Variants in PI4K2A observed in about 807,000 individuals in gnomAD.
PI4K2A encodes the protein phosphatidylinositol 4-kinase type 2 alpha, also known as phosphatidylinositol 4-kinase type 2-alpha.
Under a neutral mutation model 55.0 loss-of-function variants are expected in PI4K2A, and 20 were observed. That is an observed-to-expected ratio of 0.36 (90% CI 0.26 to 0.53). The LOEUF (loss-of-function observed/expected upper bound fraction) is 0.53, where lower values mean the gene tolerates loss of function less well. PI4K2A is among the 20% of genes least tolerant of loss of function. The probability of loss-of-function intolerance (pLI) is 0.91; values close to 1 mark genes in which losing one functional copy is unlikely to be tolerated. For missense variants in PI4K2A, 463 were observed against 637.1 expected (o/e 0.73, Z 2.94); for synonymous variants, 235 against 258.5 (o/e 0.91, Z 0.87).
chr10:97,645,119 A>G (rs1483542832), intron 1 of PI4K2A, among the ~76,000 whole-genome samples: 2 of 152,142 alleles, frequency 1.3e-5, no homozygotes, highest in Admixed American at 1.3e-4. Flanking sequence ...GTGGAGTAAT[A>G]CTAGATTTTC....
rs751810800 is a variant in PI4K2A, at chr10:97,656,262, G to A, written c.637-23G>A. On this transcript the variant is annotated intron_variant, in intron 2 of 8. Transcript: ENST00000370631. This position sits in a 1 kb window ranked among gnomAD's most constrained non-coding sequence, Gnocchi z 4.5. ...TTCCTTAAACTTGACTCTAACCTTA[G>A]TATCTCTTCTCTTTCACTGTAGGTA... 17 of 1,605,164 alleles carry A rather than the reference G, an allele frequency of 1.1e-5. No individual in the cohort carries two copies. The highest frequency in any genetic ancestry group is 2.2e-5 in the East Asian group (1 of 44,760).
chr10:97,674,018 G>A, exon 9 of PI4K2A: 1 of 419,066 alleles, frequency 2.4e-6, no homozygotes, highest in East Asian at 3.9e-5. Flanking sequence ...TCTGCTGGTA[G>A]CAGGCTGGGA....
intron 8 of PI4K2A, among the ~76,000 whole-genome samples, chr10:97,668,764 T>C (rs2041621593): frequency 6.6e-6 from 1 of 152,168 alleles, no homozygotes; most frequent in Non-Finnish European, 1.5e-5. Flanking sequence ...TTCTCAGCCT[T>C]AATTCTGCAT....
chr10:97,655,747 GTAT>G (rs893782297), intron 2 of PI4K2A, among the ~76,000 whole-genome samples: 3 of 151,938 alleles, frequency 2.0e-5, no homozygotes, highest in African/African-American at 7.3e-5. Context: ...GCTAATTTTT[GTAT>G]TTTTAGTAGA....
intron 8 of PI4K2A, 77 bp downstream of exon 8, chr10:97,667,197 G>T: frequency 8.9e-7 from 1 of 1,126,736 alleles, no homozygotes. Context: ...AATGTTTGAA[G>T]TTTGTGTTTT....
intron 1 of PI4K2A, among the ~76,000 whole-genome samples, chr10:97,646,475 C>T (rs2041505439): frequency 6.6e-6 from 1 of 152,050 alleles, no homozygotes; most frequent in African/African-American, 2.4e-5. Context: ...CTTTGGCCTC[C>T]CAAAGTACTG....
At chr10:97,652,601 T>G (rs2041534788) in intron 2 of PI4K2A, among the ~76,000 whole-genome samples, 1 of 152,066 alleles carries the variant, frequency 6.6e-6, no homozygotes, top group Non-Finnish European at 1.5e-5. Context: ...ACACCCAGCC[T>G]TAAAGATGTC....
chr10:97,653,361 A>G (rs1463991965), intron 2 of PI4K2A, among the ~76,000 whole-genome samples: 2 of 152,194 alleles, frequency 1.3e-5, no homozygotes, highest in African/African-American at 4.8e-5. Context: ...TACTGTAAAA[A>G]TAGGGATATA....
rs1564772434 is a variant in PI4K2A at position 97,642,928 on chromosome 10, T to TTCCTTCCTTC, written c.435+1751_435+1752insTCCTTCCTTC. 4.2e-4 allele frequency among the ~76,000 whole-genome samples: 50 copies of TTCCTTCCTTC among 118,032 alleles called. 1 individual carries two copies. Among genetic ancestry groups the TTCCTTCCTTC allele is most frequent in the African/African-American group, 1.6e-3 (38 of 23,614 alleles). 77.4% of individuals were successfully genotyped at this position (118,032 alleles called of 152,430 possible). On this transcript the variant is annotated intron_variant, in intron 1 of 8. Transcript: ENST00000370631. ...TCCTTCCTTCCTTCCTTCCTTCCTT[T>TTCCTTCCTTC]CTTTCCTTTCTTTCTTTCTCTTTCT...
At position 97,656,478 on chromosome 10, in the gene PI4K2A, G is replaced by A. The variant is rs932483484; in HGVS notation, c.768+62G>A. ...TTATAGTGACATAGTCATCCAAGTG[G>A]TGAAGCAAGGTGCCTACAACTCAAA... On this transcript the variant is annotated intron_variant, in intron 3 of 8. Coordinates refer to ENST00000370631, the Ensembl canonical transcript of PI4K2A. The surrounding 1 kb of genome is among the most constrained non-coding windows in gnomAD (Gnocchi z 4.5). 1 of 1,504,274 alleles carries A rather than the reference G, an allele frequency of 6.6e-7. No individual in the cohort carries two copies. Among genetic ancestry groups the A allele is most frequent in the Non-Finnish European group, 9.2e-7 (1 of 1,087,572 alleles). The allele number at this position is 1,504,274 out of a possible 1,614,324, so 93.2% of individuals were successfully genotyped here.
intron 5 of PI4K2A, among the ~76,000 whole-genome samples, chr10:97,664,095 CT>C (rs2041599206): frequency 6.6e-6 from 1 of 152,182 alleles, no homozygotes; most frequent in Non-Finnish European, 1.5e-5. Context: ...GTGCCTGAAT[CT>C]TCTGAAGAGT....
intron 1 of PI4K2A, among the ~76,000 whole-genome samples, chr10:97,644,013 G>C (rs531827540): frequency 6.6e-6 from 1 of 152,220 alleles, no homozygotes; most frequent in African/African-American, 2.4e-5. Flanking sequence ...TGGAGTTCAT[G>C]TTCTCACCAC....
rs369749867 is a variant in PI4K2A at position 97,660,146 on chromosome 10, C to A, written c.923-2761C>A. ...CCTCCCGAGTAGCTGGGACTACAGG[C>A]GCCTGCTACCACGCCCGGCTAATTT... On this transcript the variant is annotated intron_variant, in intron 4 of 8. Coordinates refer to ENST00000370631, the Ensembl canonical transcript of PI4K2A. Among the ~76,000 whole-genome samples, 349 of 146,044 alleles carry A rather than the reference C, an allele frequency of 2.4e-3. 3 individuals carry two copies. Among genetic ancestry groups the A allele is most frequent in the African/African-American group, 8.6e-3 (341 of 39,450 alleles).
chr10:97,660,006 T>C (rs1437848678), intron 4 of PI4K2A, among the ~76,000 whole-genome samples: 1 of 147,926 alleles, frequency 6.8e-6, no homozygotes, highest in African/African-American at 2.5e-5. Flanking sequence ...TCTTTTCTTT[T>C]TTTTTTTTTT....
At chr10:97,671,634 G>T (rs2041635691) in intron 8 of PI4K2A, among the ~76,000 whole-genome samples, 1 of 151,226 alleles carries the variant, frequency 6.6e-6, no homozygotes, top group Non-Finnish European at 1.5e-5. Context: ...TTTACTTTTT[G>T]TTTGTTTGTT....
chr10:97,642,799 TTC>T (rs1048940243), intron 1 of PI4K2A, among the ~76,000 whole-genome samples: 5 of 106,108 alleles, frequency 4.7e-5, no homozygotes, highest in South Asian at 2.8e-4. Context: ...CTTGCTTGCT[TTC>T]TCTTTCTTCC....
At chr10:97,666,525 C>T in exon 7 of PI4K2A, 3 of 1,613,818 alleles carry the variant, frequency 1.9e-6, no homozygotes, top group Non-Finnish European at 1.7e-6. Context: ...ATATCGGACC[C>T]TAACTTCGTC....
intron 2 of PI4K2A, among the ~76,000 whole-genome samples, chr10:97,655,583 T>A: frequency 6.6e-6 from 1 of 151,436 alleles, no homozygotes; most frequent in East Asian, 1.9e-4. Context: ...TTTTATCATA[T>A]TTTTTTTGGG....
chr10:97,646,012 G>C (rs1451820226), intron 1 of PI4K2A, among the ~76,000 whole-genome samples: 1 of 152,014 alleles, frequency 6.6e-6, no homozygotes, highest in East Asian at 1.9e-4. Context: ...CTTGACCTCT[G>C]GGAGTTCCTT....
Sources: allele counts gnomAD v4.1 joint callset (sites outside exome capture counted in the v4.1 genomes callset), GRCh38; gene constraint gnomAD v4.1.1; non-coding constraint Gnocchi (gnomAD v3.1); transcripts MANE v1.5; gene names NCBI Gene and HGNC (gene_info 2026-07-23, HGNC 2026-07-21).